MYH6: variants seen among roughly 807,000 people sequenced by gnomAD.
MYH6 encodes myosin heavy chain 6, also known as myosin-6.
A neutral mutation model predicts 223.2 loss-of-function variants in MYH6; 126 were observed. The observed-to-expected ratio is 0.56, with a 90% CI of 0.49 to 0.65. The LOEUF is 0.65. Ranked by LOEUF, MYH6 falls within the 30% of genes least tolerant of loss-of-function variation. The pLI is 0.00. For missense variants in MYH6, 2,040 were observed against 2,536.4 expected (o/e 0.80, Z 4.20); for synonymous variants, 978 against 1,010.2 (o/e 0.97, Z 0.61).
At position 23,393,500 on chromosome 14, in the gene MYH6, C is replaced by T. The variant is rs1891300237; in HGVS notation, c.2947G>A (p.Glu983Lys). ...TENKVKNLTE[E>K]MAGLDEIIAK... Reference sequence around the variant, plus strand: ...ATGATTTCATCCAGCCCAGCCATCTCCTCTGTTAGGTTCTTCACCTGCCGA... The same window carrying T: ...ATGATTTCATCCAGCCCAGCCATCTTCTCTGTTAGGTTCTTCACCTGCCGA... Residue 983 changes from glutamate to lysine, a missense_variant, in exon 23 of 39, where the codon GAG (glutamate) becomes AAG (lysine). Coordinates refer to ENST00000405093, the MANE Select transcript of MYH6 (RefSeq NM_002471.4). 1 of 1,614,034 alleles carries T rather than the reference C, an allele frequency of 6.2e-7. No individual in the cohort carries two copies. Among genetic ancestry groups the T allele is most frequent in the African/African-American group, 1.3e-5 (1 of 74,922 alleles).
In MYH6 at chr14:23,390,129, C is replaced by G. The variant is rs748655783; in HGVS notation, c.3660G>C (p.Glu1220Asp). 1.2e-6 allele frequency: 2 copies of G among 1,611,826 alleles called. No individual in the cohort carries two copies. Among genetic ancestry groups the G allele is most frequent in the Admixed American group, 1.7e-5 (1 of 59,964 alleles). Residue 1220 changes from glutamate (E) to aspartate (D), a missense_variant, in exon 26 of 39, where the codon GAG (glutamate) becomes GAC (aspartate). Physicochemically the swap from Glu to Asp is conservative, Grantham distance 45. Transcript: ENST00000405093. ...DNLQRVKQKL[E>D]KEKSEFKLEL... ...CCAGCTTGAACTCGCTCTTCTCCTT[C>G]TCCAGCTTCTGCTTCACCCGCTGCA...
intron 28 of MYH6, 134 bp from the exon 29 acceptor site, chr14:23,389,189 G>C (rs1395741876): frequency 8.1e-7 from 1 of 1,241,486 alleles, no homozygotes; most frequent in Non-Finnish European, 1.1e-6. Flanking sequence ...CTCACTGTTT[G>C]AGGAGTTTCC....
chr14:23,383,269 G>C lies in MYH6; in HGVS notation c.5617C>G (p.Leu1873Val). The C allele has an allele frequency of 6.6e-7, 1 of 1,512,638 alleles. No individual in the cohort carries two copies. The highest frequency in any genetic ancestry group is 8.9e-7 in the Non-Finnish European group (1 of 1,126,354). 93.7% of individuals were successfully genotyped at this position (1,512,638 alleles called of 1,614,324 possible). A position where few individuals can be genotyped will look rare whatever the true frequency, so the allele number is the denominator to read the frequency against. Residue 1873 changes from leucine (L) to valine (V), a missense_variant, in exon 37 of 39, where the codon CTG becomes GTG. Physicochemically the swap from Leu to Val is conservative, Grantham distance 32. This residue lies in a region of MYH6 where 1,203 missense variants were observed against 1,400.2 expected (regional missense o/e 0.86). Coordinates refer to ENST00000405093, the MANE Select transcript of MYH6 (RefSeq NM_002471.4). ...LLRLQDLVDK[L>V]QLKVKAYKRQ... ...TTGTAGGCCTTGACCTTCAGTTGCAGCTTGTCCACCAGGTCCTGTAGCCGC... is the reference window on the plus strand; with the variant it reads ...TTGTAGGCCTTGACCTTCAGTTGCACCTTGTCCACCAGGTCCTGTAGCCGC...
intron 37 of MYH6, among the ~76,000 whole-genome samples, chr14:23,382,978 G>A (rs765204886): frequency 4.6e-5 from 7 of 152,214 alleles, no homozygotes; most frequent in African/African-American, 1.2e-4. Flanking sequence ...GCTGCCCCAC[G>A]TCCTGCACTA....
Position 23,402,697 on chromosome 14 carries a change from A to T in MYH6, c.1002T>A (p.Asp334Glu), listed in dbSNP as rs371859345. 1.1e-5 allele frequency: 18 copies of T among 1,613,144 alleles called. No individual in the cohort carries two copies. In the African/African-American group the frequency reaches 2.3e-4, roughly 20 times the overall value. ...IDDSEELMAT[D>E]SAFDVLGFTS... ...CGGCCGCAGCAGCCCCCTCACTCAC[A>T]TCGGTGGCCATGAGCTCCTCGGAGT... Residue 334 changes from aspartate to glutamate, a missense_variant and splice_region_variant, in exon 11 of 39, where the codon GAT becomes GAA. Around this residue, in one of 4 missense-constraint regions of MYH6, gnomAD observed 649 missense variants for 877.3 expected, o/e 0.74. Coordinates refer to ENST00000405093, the MANE Select transcript of MYH6 (RefSeq NM_002471.4).
At chr14:23,389,198 C>T in intron 28 of MYH6, 143 bp from the exon 29 acceptor site, 2 of 1,203,940 alleles carry the variant, frequency 1.7e-6, no homozygotes, top group Non-Finnish European at 2.3e-6. Flanking sequence ...TGAGGAGTTT[C>T]CCAGTCTGCT....
At chr14:23,388,377 C>A (rs748077678) in intron 29 of MYH6, 39 bp from the exon 30 acceptor site, 2 of 1,609,154 alleles carry the variant, frequency 1.2e-6, no homozygotes, top group Non-Finnish European at 1.7e-6. Flanking sequence ...TGTGACTCTA[C>A]TGGGCAACAC....
intron 16 of MYH6, 75 bp from the exon 17 acceptor site, chr14:23,397,332 C>T (rs1891429659): frequency 7.0e-7 from 1 of 1,423,554 alleles, no homozygotes; most frequent in African/African-American, 1.4e-5. Flanking sequence ...GGTCCCCAGA[C>T]ACTCTCCACC....
rs755466490 is a variant in MYH6, at chr14:23,402,620, A to G, written c.1003-18T>C. On this transcript the variant is annotated intron_variant, in intron 11 of 38. Coordinates refer to ENST00000405093, the MANE Select transcript of MYH6 (RefSeq NM_002471.4). ...AAGGCACTCTGGGACAGAGCGAGAG[A>G]CAAAGAGGGGGGTTGGAGCGGTGGC... 20 of 1,613,528 alleles carry G rather than the reference A, an allele frequency of 1.2e-5. No individual in the cohort carries two copies. The African/African-American group carries it at 2.3e-4, about 18-fold the overall frequency.
Position 23,393,747 on chromosome 14 carries a change from G to T in MYH6, c.2847C>A (p.Cys949Ter), listed in dbSNP as rs762386800. The change falls in exon 22 of 39, where the codon TGC becomes TGA. Residue 949 changes from cysteine (C) to a stop codon, truncating the protein, a stop_gained. Transcript: ENST00000405093. LOFTEE classifies it high-confidence loss of function. ...CATCAATGTCCTTCTTGAGCTCTGAGCACTCGTCTTCCAGCTTGCGCTTCT... is the reference window on the plus strand; with the variant it reads ...CATCAATGTCCTTCTTGAGCTCTGATCACTCGTCTTCCAGCTTGCGCTTCT... ...TAKKRKLEDE[C>*]SELKKDIDDL... 6.2e-7 allele frequency: 1 copy of T among 1,614,190 alleles called. No individual in the cohort carries two copies. Among genetic ancestry groups the T allele is most frequent in the East Asian group, 2.2e-5 (1 of 44,858 alleles).
intron 29 of MYH6, 72 bp downstream of exon 29, chr14:23,388,787 G>A: frequency 6.2e-7 from 1 of 1,606,774 alleles, no homozygotes; most frequent in Non-Finnish European, 8.5e-7. Flanking sequence ...TGACCACTTT[G>A]CCTGTCCCCA....
intron 8 of MYH6, 42 bp from the exon 9 acceptor site, chr14:23,403,820 A>C: frequency 1.3e-6 from 2 of 1,538,524 alleles, no homozygotes; most frequent in East Asian, 2.3e-5. Flanking sequence ...GGCGGGAAGG[A>C]CAGAGTGAAA....
intron 25 of MYH6, among the ~76,000 whole-genome samples, chr14:23,390,750 C>T (rs898501433): frequency 3.9e-5 from 6 of 152,148 alleles, no homozygotes; most frequent in African/African-American, 1.4e-4. Context: ...TCTGCAGCCC[C>T]AAATCCTGAG....
At chr14:23,400,556 C>T in intron 13 of MYH6, 130 bp from the exon 14 acceptor site, 1 of 1,580,620 alleles carries the variant, frequency 6.3e-7, no homozygotes, top group Admixed American at 1.8e-5. Flanking sequence ...TGGAGGAGGG[C>T]TTCCCCTGAA....
intron 12 of MYH6, among the ~76,000 whole-genome samples, chr14:23,402,142 C>T (rs1428269107): frequency 2.6e-5 from 4 of 152,250 alleles, no homozygotes; most frequent in African/African-American, 9.6e-5. Context: ...CCACGAGGGG[C>T]TTACCCAAGG....
intron 29 of MYH6, 137 bp from the exon 30 acceptor site, chr14:23,388,475 A>G (rs1379313994): frequency 2.2e-6 from 3 of 1,390,366 alleles, no homozygotes; most frequent in African/African-American, 2.8e-5. Flanking sequence ...GAGCCTGCTC[A>G]TGCCTGGAAC....
At chr14:23,385,202 T>C (rs531574909) in intron 34 of MYH6, among the ~76,000 whole-genome samples, 161 bp from the exon 35 acceptor site, 3 of 152,096 alleles carry the variant, frequency 2.0e-5, no homozygotes, top group African/African-American at 4.8e-5. Flanking sequence ...CCTTTTCCTA[T>C]GAAAGTGCAT....
rs376737165 is a variant in MYH6 at position 23,392,549 on chromosome 14, G to A, written c.3342+13C>T. On this transcript the variant is annotated intron_variant, in intron 25 of 38. Transcript: ENST00000405093. ...TTGAGCTCCCACTTTCATGCACTGG[G>A]AAAAAAAGTCACCTGGTTTTCCTTC... is the stretch of plus-strand genomic sequence containing the variant. The A allele has an allele frequency of 6.3e-7, 1 of 1,583,004 alleles. No homozygotes were observed.
Position 23,386,428 on chromosome 14 carries a change from C to T in MYH6, c.4846G>A (p.Val1616Met), listed in dbSNP as rs372923261. ...ETRSRNEVLR[V>M]KKKMEGDLNE... ...AGGTCTCCTTCCATCTTCTTCTTCA[C>T]CCTCAGGACCTCGTTGCGGCTGCGT... is the stretch of plus-strand genomic sequence containing the variant. The change falls in exon 33 of 39, where the codon GTG becomes ATG. Residue 1616 changes from valine (V) to methionine (M), a missense_variant. By Grantham distance (21) the Val-to-Met change is conservative. Transcript: ENST00000405093. 2 of 1,614,108 alleles carry T rather than the reference C, an allele frequency of 1.2e-6. No individual in the cohort carries two copies. Among genetic ancestry groups the T allele is most frequent in the Non-Finnish European group, 1.7e-6 (2 of 1,180,052 alleles).
Sources: gnomAD v4.1 joint callset for allele counts (sites outside exome capture counted in the v4.1 genomes callset) on GRCh38, gnomAD v4.1.1 for gene constraint, gnomAD v4.1.1 regional missense constraint, MANE v1.5 for transcripts, NCBI Gene and HGNC (gene_info 2026-07-23, HGNC 2026-07-21) for gene names.